SPTBN1: variants seen among roughly 807,000 people sequenced by gnomAD.
SPTBN1 encodes spectrin beta chain, non-erythrocytic 1.
In SPTBN1, 32 loss-of-function variants were observed where a neutral mutation model predicts 266.4. The observed-to-expected ratio is 0.12, with a 90% CI of 0.09 to 0.16. The LOEUF is 0.16. SPTBN1 is among the 10% of genes least tolerant of loss of function. SPTBN1 has a pLI of 1.00. For missense variants in SPTBN1, 2,296 were observed against 3,067.1 expected, an observed-to-expected ratio of 0.75 and a Z score of 5.94; for synonymous variants, 1,336 against 1,162.2, an observed-to-expected ratio of 1.15 and a Z score of -3.04.
chr2:54,644,198 G>T, intron 19 of SPTBN1, 125 bp from the exon 20 acceptor site: 1 of 1,234,348 alleles, frequency 8.1e-7, no homozygotes. Context: ...ACTTCATGTG[G>T]AAAGACTGTG....
At chr2:54,616,083 G>A in intron 4 of SPTBN1, 124 bp from the exon 5 acceptor site, 1 of 701,228 alleles carries the variant, frequency 1.4e-6, no homozygotes, top group Non-Finnish European at 2.3e-6. Flanking sequence ...TGACAGGGTA[G>A]ATCGTCTGCA....
chr2:54,593,610 C>G (rs1357060904), intron 2 of SPTBN1, among the ~76,000 whole-genome samples: 1 of 151,898 alleles, frequency 6.6e-6, no homozygotes, highest in Non-Finnish European at 1.5e-5. Flanking sequence ...ACCTGAGGGC[C>G]TTTACATGGA....
intron 2 of SPTBN1, among the ~76,000 whole-genome samples, chr2:54,543,205 A>C (rs1672036654): frequency 6.6e-6 from 1 of 152,216 alleles, no homozygotes; most frequent in Non-Finnish European, 1.5e-5. Context: ...ATGGTGGGCA[A>C]GTGACTCCTT....
chr2:54,480,814 G>C (rs1395249978), intron 1 of SPTBN1, among the ~76,000 whole-genome samples: 1 of 152,180 alleles, frequency 6.6e-6, no homozygotes, highest in African/African-American at 2.4e-5. Context: ...TGTGAATGTG[G>C]ATGAACTTAA....
chr2:54,474,233 T>C (rs1004132384), intron 1 of SPTBN1, among the ~76,000 whole-genome samples: 2 of 152,242 alleles, frequency 1.3e-5, no homozygotes, highest in African/African-American at 4.8e-5. Flanking sequence ...AAAATAGTGC[T>C]TCAGATGCCT....
intron 2 of SPTBN1, among the ~76,000 whole-genome samples, chr2:54,539,946 G>A (rs1671837514): frequency 6.6e-6 from 1 of 152,160 alleles, no homozygotes; most frequent in African/African-American, 2.4e-5. Flanking sequence ...AGGAGGTGAG[G>A]TCTTTGGCGG....
intron 2 of SPTBN1, among the ~76,000 whole-genome samples, chr2:54,570,460 C>T (rs781199708): frequency 6.6e-6 from 1 of 152,150 alleles, no homozygotes; most frequent in Non-Finnish European, 1.5e-5. Context: ...GTGAGCAAAA[C>T]ATAAATACAA....
intron 2 of SPTBN1, among the ~76,000 whole-genome samples, chr2:54,549,667 C>T (rs1043672246): frequency 1.3e-5 from 2 of 152,122 alleles, no homozygotes; most frequent in Admixed American, 6.5e-5. Context: ...TGCTGGACGA[C>T]GGAGGCTGAC....
At chr2:54,667,764 C>T in intron 35 of SPTBN1, 118 bp downstream of exon 35, 2 of 918,428 alleles carry the variant, frequency 2.2e-6, no homozygotes, top group South Asian at 1.5e-5. Context: ...GTTTCTATCA[C>T]TGGGCTCCAG....
Position 54,467,283 on chromosome 2 carries a change from T to A in SPTBN1, c.-48+10765T>A, listed in dbSNP as rs560226102. 9.9e-5 allele frequency among the ~76,000 whole-genome samples: 15 copies of A among 152,262 alleles called. No individual in the cohort carries two copies. The South Asian group carries it at 3.1e-3, about 32-fold the overall frequency. On this transcript the variant is annotated intron_variant, in intron 1 of 35. Transcript: ENST00000356805. ...GCTTTTTTCTCTTTATCTTATTTAC[T>A]TGAATGGGAAGGAAAACTTAGATTC...
At chr2:54,634,973 G>A (rs1186895649) in intron 17 of SPTBN1, among the ~76,000 whole-genome samples, 1 of 152,154 alleles carries the variant, frequency 6.6e-6, no homozygotes, top group Non-Finnish European at 1.5e-5. Context: ...GGGGAGCAAG[G>A]AACAGTATCC....
At chr2:54,635,092 C>G (rs1042800698) in intron 17 of SPTBN1, among the ~76,000 whole-genome samples, 1 of 152,210 alleles carries the variant, frequency 6.6e-6, no homozygotes, top group African/African-American at 2.4e-5. Flanking sequence ...AACCAGAACA[C>G]CCGCATCTGC....
At chr2:54,591,499 G>A (rs1477035115) in intron 2 of SPTBN1, among the ~76,000 whole-genome samples, 2 of 152,170 alleles carry the variant, frequency 1.3e-5, no homozygotes, top group East Asian at 1.9e-4. Flanking sequence ...TGGGTTATAC[G>A]TGCAGGTTCA....
chr2:54,618,596 C>T (rs1677790519), intron 7 of SPTBN1, among the ~76,000 whole-genome samples: 1 of 152,222 alleles, frequency 6.6e-6, no homozygotes, highest in Non-Finnish European at 1.5e-5. Context: ...AGGTTCTTAG[C>T]AGCTGTGCTC....
At chr2:54,485,904 C>A (rs1273592596) in intron 1 of SPTBN1, among the ~76,000 whole-genome samples, 1 of 149,598 alleles carries the variant, frequency 6.7e-6, no homozygotes, top group African/African-American at 2.5e-5. Flanking sequence ...AGGTGAGGAG[C>A]GTCTCTGCCC....
intron 26 of SPTBN1, chr2:54,652,686 G>A (rs1045563459): frequency 6.6e-6 from 1 of 152,208 alleles, no homozygotes; most frequent in South Asian, 2.1e-4. Flanking sequence ...GCTGTAGTCT[G>A]TTACACTCCT....
chr2:54,613,564 T>A (rs1677374209), intron 4 of SPTBN1, among the ~76,000 whole-genome samples: 1 of 152,222 alleles, frequency 6.6e-6, no homozygotes, highest in African/African-American at 2.4e-5. Flanking sequence ...GCTGATCATC[T>A]GATGCCTTTG....
At chr2:54,487,097 T>C (rs1012987837) in intron 1 of SPTBN1, among the ~76,000 whole-genome samples, 2 of 151,968 alleles carry the variant, frequency 1.3e-5, no homozygotes, top group Non-Finnish European at 2.9e-5. Context: ...TATTAGGTAA[T>C]ATACACAGTT....
chr2:54,463,523 C>T (rs1003873957), intron 1 of SPTBN1, among the ~76,000 whole-genome samples: 1 of 152,218 alleles, frequency 6.6e-6, no homozygotes, highest in East Asian at 1.9e-4. Context: ...CGCTCACACG[C>T]TAAGTGACCT....
Sources: allele counts gnomAD v4.1 joint callset (sites outside exome capture counted in the v4.1 genomes callset), GRCh38; gene constraint gnomAD v4.1.1; transcripts MANE v1.5; gene names NCBI Gene and HGNC (gene_info 2026-07-23, HGNC 2026-07-21).